Variants in CDH3 observed in about 807,000 individuals in gnomAD.
CDH3 encodes the protein cadherin-3.
A neutral mutation model predicts 82.0 loss-of-function variants in CDH3; 54 were observed. The ratio of observed to expected loss-of-function variants is 0.66; its 90% CI spans 0.53 to 0.83. CDH3 has a LOEUF of 0.83. Ranked by LOEUF, CDH3 falls within the 40% of genes least tolerant of loss-of-function variation. CDH3 has a pLI of 0.00. For missense variants in CDH3, 1,054 were observed against 1,084.6 expected (o/e 0.97, Z 0.40); for synonymous variants, 446 against 437.9 (o/e 1.02, Z -0.23).
rs751702777 is a variant in CDH3, at chr16:68,645,330, G to C, written c.-50G>C. 4.4e-6 allele frequency: 7 copies of C among 1,597,822 alleles called. No homozygotes were observed. In the South Asian group the frequency reaches 6.7e-5, roughly 15 times the overall value. Reference sequence around the variant, plus strand: ...TGCTCAAAGGGGCAAGAGCTGAGCGGAACACCGGCCCGCCGTCGCGGCAGC... The same window carrying C: ...TGCTCAAAGGGGCAAGAGCTGAGCGCAACACCGGCCCGCCGTCGCGGCAGC... On this transcript the variant is annotated 5_prime_UTR_variant, in exon 1 of 16. Coordinates refer to ENST00000264012, the MANE Select transcript of CDH3 (RefSeq NM_001793.6).
intron 7 of CDH3, 123 bp from the exon 8 acceptor site, chr16:68,680,845 C>T (rs191322984): frequency 3.7e-6 from 4 of 1,089,464 alleles, no homozygotes; most frequent in African/African-American, 1.5e-5. Flanking sequence ...AAGGAGTCAG[C>T]GTTATGATAG....
chr16:68,671,950 T>G (rs1340232262), intron 2 of CDH3, among the ~76,000 whole-genome samples: 1 of 152,158 alleles, frequency 6.6e-6, no homozygotes, highest in African/African-American at 2.4e-5. Flanking sequence ...AGGGAAAACT[T>G]GGACCTGCAG....
At chr16:68,694,488 G>A (rs62057798) in intron 13 of CDH3, among the ~76,000 whole-genome samples, 85,122 of 150,852 alleles carry the variant, frequency 0.56, 24,271 homozygotes, top group Middle Eastern at 0.63. Flanking sequence ...CAGGCTTGGT[G>A]GCAGGCACCT....
chr16:68,726,029 A>G (rs1962215561), intron 2 of CDH3, among the ~76,000 whole-genome samples: 1 of 152,170 alleles, frequency 6.6e-6, no homozygotes, highest in Admixed American at 6.6e-5. Context: ...ACTGCACTCC[A>G]GCCTGACCTT....
intron 2 of CDH3, among the ~76,000 whole-genome samples, chr16:68,669,619 G>T (rs113319937): frequency 0.015 from 1,523 of 104,082 alleles, 19 homozygotes; most frequent in South Asian, 0.074. Context: ...GGGGTGGCGG[G>T]GGGGGTGGGC....
downstream of CDH3, among the ~76,000 whole-genome samples, chr16:68,704,497 A>G (rs1961936865): frequency 6.6e-6 from 1 of 152,178 alleles, no homozygotes; most frequent in South Asian, 2.1e-4. Flanking sequence ...ATTTCCCTGA[A>G]GGCTCTTTCC....
At chr16:68,720,760 T>A (rs913408113) in intron 1 of CDH3, among the ~76,000 whole-genome samples, 9 of 151,894 alleles carry the variant, frequency 5.9e-5, no homozygotes, top group Non-Finnish European at 1.2e-4. Flanking sequence ...TAGCTGGGAT[T>A]ACAGGAGCCT....
At chr16:68,730,470 G>A (rs1306189895), downstream of CDH3, among the ~76,000 whole-genome samples, 2 of 151,826 alleles carry the variant, frequency 1.3e-5, no homozygotes, top group Non-Finnish European at 2.9e-5. Context: ...AAGTTGCGTT[G>A]AGCCGAGATC....
intron 12 of CDH3, among the ~76,000 whole-genome samples, chr16:68,690,376 T>A (rs1276663248): frequency 6.7e-6 from 1 of 149,120 alleles, no homozygotes; most frequent in African/African-American, 2.5e-5. Flanking sequence ...TCCCAGCACT[T>A]TGGGAGGCCG....
In CDH3 at chr16:68,711,106, T is replaced by C. The variant is rs1597828070; in HGVS notation, c.100-11319T>C. ...TGGACGGATCCACTGAGGTCGGGAG[T>C]TTGAGACCAGCCTGACCAACATGGA... On this transcript the variant is annotated intron_variant, in intron 1 of 2. Transcript: ENST00000569080. Among the ~76,000 whole-genome samples, 5 of 148,478 alleles carry C rather than the reference T, an allele frequency of 3.4e-5. 1 individual carries two copies. The highest frequency in any genetic ancestry group is 6.0e-5 in the Non-Finnish European group (4 of 66,968).
In CDH3 at chr16:68,658,491, T is replaced by C. The variant is rs572192995; in HGVS notation, c.160+12741T>C. ...GAGGGCGGCTGGCTGGACTGCTCAC[T>C]GGCCAGTGAGAGGGCCCAGGTGGAG... On this transcript the variant is annotated intron_variant, in intron 2 of 15. Coordinates refer to ENST00000264012, the MANE Select transcript of CDH3 (RefSeq NM_001793.6). Among the ~76,000 whole-genome samples the C allele has an allele frequency of 3.3e-5, 5 of 152,216 alleles. No homozygotes were observed. In the South Asian group the frequency reaches 1.0e-3, roughly 32 times the overall value.
intron 9 of CDH3, 22 bp from the exon 10 acceptor site, chr16:68,684,561 C>G: frequency 6.2e-7 from 1 of 1,614,008 alleles, no homozygotes; most frequent in Non-Finnish European, 8.5e-7. Flanking sequence ...TGGTCCAGGT[C>G]CTTCTTCCTC....
intron 9 of CDH3, among the ~76,000 whole-genome samples, chr16:68,684,325 A>G (rs904871410): frequency 6.6e-6 from 1 of 152,142 alleles, no homozygotes; most frequent in Non-Finnish European, 1.5e-5. Flanking sequence ...AGTTTTCTCA[A>G]ACATCACCAC....
chr16:68,665,213 C>T (rs1960701362), intron 2 of CDH3, among the ~76,000 whole-genome samples: 2 of 151,802 alleles, frequency 1.3e-5, no homozygotes, highest in African/African-American at 4.8e-5. Flanking sequence ...TTGAGACCAG[C>T]CTGGCTAACA....
intron 1 of CDH3, among the ~76,000 whole-genome samples, chr16:68,716,100 C>T (rs1162798602): frequency 6.6e-6 from 1 of 151,844 alleles, no homozygotes. Flanking sequence ...GAAACCCCAT[C>T]TCTACTAAAA....
In CDH3 at chr16:68,682,355, G is replaced by A. The variant is rs551272419; in HGVS notation, c.1050G>A (p.Thr350=). 37 of 1,613,988 alleles carry A rather than the reference G, an allele frequency of 2.3e-5. No homozygotes were observed. In the East Asian group the frequency reaches 2.7e-4, roughly 12 times the overall value. Reference sequence around the variant, plus strand: ...TGGGCCATGAGGTGCAGAGGCTGACGGTCACTGATCTGGACGCCCCCAACT... The same window carrying A: ...TGGGCCATGAGGTGCAGAGGCTGACAGTCACTGATCTGGACGCCCCCAACT... ...NAVGHEVQRL[T]VTDLDAPNSP... Residue 350 remains threonine (T), a synonymous_variant, in exon 9 of 16, where the codon ACG becomes ACA. Coordinates refer to ENST00000264012, the MANE Select transcript of CDH3 (RefSeq NM_001793.6).
chr16:68,698,411 T>G lies in CDH3; in HGVS notation c.*11T>G. ...GGGGAGGACGACTAGGCGGCCTGCC[T>G]GCAGGGCTGGGGACCAAACGTCAGG... On this transcript the variant is annotated 3_prime_UTR_variant, in exon 16 of 16. Transcript: ENST00000264012. The G allele has an allele frequency of 1.2e-6, 2 of 1,612,402 alleles. No homozygotes were observed. The highest frequency in any genetic ancestry group is 8.5e-7 in the Non-Finnish European group (1 of 1,179,034).
chr16:68,681,193 C>A, intron 8 of CDH3, 97 bp downstream of exon 8: 1 of 1,320,142 alleles, frequency 7.6e-7, no homozygotes, highest in Non-Finnish European at 1.1e-6. Flanking sequence ...GCTTCAAATG[C>A]CAGTCTCAGC....
chr16:68,651,152 A>G (rs1195130859), intron 2 of CDH3: 2 of 469,158 alleles, frequency 4.3e-6, no homozygotes, highest in Admixed American at 2.3e-5. Flanking sequence ...TTGGAATTGT[A>G]TATCTGCCGG....
Sources: allele counts gnomAD v4.1 joint callset (sites outside exome capture counted in the v4.1 genomes callset), GRCh38; gene constraint gnomAD v4.1.1; transcripts MANE v1.5; gene names NCBI Gene and HGNC (gene_info 2026-07-23, HGNC 2026-07-21).